Variants in SSUH2 observed in about 807,000 individuals in gnomAD.
SSUH2 encodes the protein protein SSUH2 homolog.
A neutral mutation model predicts 55.3 loss-of-function variants in SSUH2; 47 were observed. The observed-to-expected ratio is 0.85, with a 90% confidence interval of 0.67 to 1.08. The LOEUF is 1.08. Among genes scored for constraint, SSUH2 ranks in the 50% least tolerant of loss-of-function variants. The pLI is 0.00. For missense variants in SSUH2, 535 were observed against 490.7 expected, an observed-to-expected ratio of 1.09 and a Z score of -0.85; for synonymous variants, 212 against 191.5, an observed-to-expected ratio of 1.11 and a Z score of -0.89.
At chr3:8,623,681 G>C in intron 10 of SSUH2, 25 bp from the exon 11 acceptor site, 1 of 1,282,108 alleles carries the variant, frequency 7.8e-7, no homozygotes, top group Non-Finnish European at 1.1e-6. Flanking sequence ...GAGAGACACA[G>C]ACCACCTGGC....
chr3:8,635,509 A>G (rs1429787556), intron 2 of SSUH2, 128 bp from the exon 3 acceptor site: 1 of 782,648 alleles, frequency 1.3e-6, no homozygotes, highest in East Asian at 2.7e-5. Flanking sequence ...CATTTAATGC[A>G]AAAAGAATGG....
intron 6 of SSUH2, among the ~76,000 whole-genome samples, chr3:8,630,534 G>C (rs1265606321): frequency 6.6e-6 from 1 of 152,194 alleles, no homozygotes; most frequent in Non-Finnish European, 1.5e-5. Flanking sequence ...ACCTGTCCAG[G>C]AATGTCACTG....
At chr3:8,671,623 A>G (rs1439093654) in intron 4 of SSUH2, among the ~76,000 whole-genome samples, 1 of 152,164 alleles carries the variant, frequency 6.6e-6, no homozygotes, top group Non-Finnish European at 1.5e-5. Context: ...AAGTGTGTAG[A>G]GTCCTGTGAC....
At chr3:8,648,838 A>T (rs1010083465), upstream of SSUH2, among the ~76,000 whole-genome samples, 8 of 152,068 alleles carry the variant, frequency 5.3e-5, no homozygotes, top group African/African-American at 1.9e-4. Flanking sequence ...TGCTCCAGGA[A>T]CCCAACTCAT....
rs1156359853 is a variant in SSUH2, at chr3:8,676,159, A to C, written c.-753+1047T>G. 6.6e-5 allele frequency among the ~76,000 whole-genome samples: 10 copies of C among 152,032 alleles called. No homozygotes were observed. The East Asian group carries it at 9.7e-4, about 15-fold the overall frequency. On this transcript the variant is annotated intron_variant, in intron 3 of 18. Transcript: ENST00000317371. ...ACAGCCTGTTTACCATATTGTGAGT[A>C]ATATCATCTCCCCCTCTGGAGATTA...
intron 1 of SSUH2, among the ~76,000 whole-genome samples, chr3:8,639,494 C>A (rs1179323665): frequency 6.6e-6 from 1 of 152,210 alleles, no homozygotes; most frequent in Non-Finnish European, 1.5e-5. Flanking sequence ...CTTAGCTGAA[C>A]ACCCTATGGC....
intron 2 of SSUH2, chr3:8,679,638 G>C (rs943898310): frequency 5.3e-5 from 10 of 187,810 alleles, no homozygotes; most frequent in African/African-American, 2.4e-4. Context: ...CGGGGAATGA[G>C]AGCCAGTGCC....
chr3:8,661,038 C>T (rs921844651), intron 6 of SSUH2, among the ~76,000 whole-genome samples: 1 of 152,254 alleles, frequency 6.6e-6, no homozygotes, highest in East Asian at 1.9e-4. Flanking sequence ...ATGAAGCTGT[C>T]CAGCCCAGCT....
At chr3:8,629,633 C>CTGACTCGCCAGTGGTTCACAGA (rs1553567100) in intron 7 of SSUH2, 31 bp downstream of exon 7, 3 of 1,587,726 alleles carry the variant, frequency 1.9e-6, no homozygotes, top group South Asian at 2.2e-5. Context: ...CACACCCTCA[C>CTGACTCGCCAGTGGTTCACAGA]TGACTCACCA....
At chr3:8,643,360 G>A (rs777608427) in intron 1 of SSUH2, among the ~76,000 whole-genome samples, 7 of 152,194 alleles carry the variant, frequency 4.6e-5, no homozygotes, top group Non-Finnish European at 1.0e-4. Flanking sequence ...TTGCTACTAT[G>A]AGAAACTCTA....
chr3:8,637,938 C>T (rs925696848), intron 1 of SSUH2, among the ~76,000 whole-genome samples: 1 of 152,148 alleles, frequency 6.6e-6, no homozygotes, highest in Non-Finnish European at 1.5e-5. Flanking sequence ...TATACCCTGT[C>T]CCTTCAAGTT....
chr3:8,672,337 G>A lies in SSUH2; in HGVS notation c.-752-302C>T, dbSNP rs560385194. ...TAAGAATATTATCCTCCCCCGCCCTGCACATTACAAAAAATATCACAGTGT... is the reference window on the plus strand; with the variant it reads ...TAAGAATATTATCCTCCCCCGCCCTACACATTACAAAAAATATCACAGTGT... On this transcript the variant is annotated intron_variant, in intron 3 of 18. Transcript: ENST00000317371. Among the ~76,000 whole-genome samples, 21 of 152,036 alleles carry A rather than the reference G, an allele frequency of 1.4e-4. No homozygotes were observed. The South Asian group carries it at 3.9e-3, about 29-fold the overall frequency.
At chr3:8,678,213 T>G (rs1448805237) in intron 2 of SSUH2, among the ~76,000 whole-genome samples, 1 of 152,088 alleles carries the variant, frequency 6.6e-6, no homozygotes, top group African/African-American at 2.4e-5. Flanking sequence ...TGGAATATTA[T>G]GAAGGAGCAT....
chr3:8,670,554 C>A (rs567547411), intron 5 of SSUH2, among the ~76,000 whole-genome samples: 1 of 151,866 alleles, frequency 6.6e-6, no homozygotes, highest in East Asian at 1.9e-4. Context: ...TGTCATACAC[C>A]CCCGGTGACA....
chr3:8,649,325 G>A (rs545223154), upstream of SSUH2, among the ~76,000 whole-genome samples: 3 of 152,256 alleles, frequency 2.0e-5, no homozygotes, highest in Admixed American at 1.3e-4. Flanking sequence ...TCCCAGAGCA[G>A]GTCCCAGGAG....
chr3:8,634,037 T>C, intron 3 of SSUH2: 1 of 1,318,588 alleles, frequency 7.6e-7, no homozygotes, highest in Non-Finnish European at 1.0e-6. Flanking sequence ...ATGTGGAGCT[T>C]AGGAGAAAAG....
intron 7 of SSUH2, among the ~76,000 whole-genome samples, chr3:8,656,632 G>A (rs1173320483): frequency 6.6e-6 from 1 of 152,170 alleles, no homozygotes; most frequent in Non-Finnish European, 1.5e-5. Context: ...ATGATGGAAA[G>A]GACGAAAAGG....
chr3:8,641,971 G>T (rs988319178), intron 1 of SSUH2, among the ~76,000 whole-genome samples: 1 of 152,200 alleles, frequency 6.6e-6, no homozygotes, highest in African/African-American at 2.4e-5. Context: ...TGTGGCCCCA[G>T]ACCAGGGCTC....
intron 1 of SSUH2, among the ~76,000 whole-genome samples, chr3:8,643,867 TGAG>T (rs1701286819): frequency 6.6e-6 from 1 of 152,118 alleles, no homozygotes; most frequent in African/African-American, 2.4e-5. Flanking sequence ...GTTTTATAGA[TGAG>T]AATATTGCAG....
Sources: allele counts gnomAD v4.1 joint callset (sites outside exome capture counted in the v4.1 genomes callset), GRCh38; gene constraint gnomAD v4.1.1; transcripts MANE v1.5; gene names NCBI Gene and HGNC (gene_info 2026-07-23, HGNC 2026-07-21).